The following MAGI2 variants were observed in gnomAD, a reference collection of about 807,000 sequenced individuals.
MAGI2 encodes the protein membrane associated guanylate kinase, WW and PDZ domain containing 2.
In MAGI2, 35 loss-of-function variants were observed where a neutral mutation model predicts 133.3. The ratio of observed to expected loss-of-function variants is 0.26; its 90% CI spans 0.20 to 0.35. The LOEUF is 0.35. MAGI2 is among the 10% of genes least tolerant of loss of function. The probability of loss-of-function intolerance (pLI) is 1.00; values close to 1 mark genes in which losing one functional copy is unlikely to be tolerated. For missense variants in MAGI2, 1,636 were observed against 1,863.4 expected, an observed-to-expected ratio of 0.88 and a Z score of 2.25; for synonymous variants, 729 against 710.6, an observed-to-expected ratio of 1.03 and a Z score of -0.41.
At chr7:78,148,734 G>A (rs998930146) in intron 16 of MAGI2, among the ~76,000 whole-genome samples, 1 of 152,140 alleles carries the variant, frequency 6.6e-6, no homozygotes, top group African/African-American at 2.4e-5. Flanking sequence ...GACTTGCAAA[G>A]ACACAGATCT....
intron 10 of MAGI2, among the ~76,000 whole-genome samples, chr7:78,214,531 T>C (rs1357589819): frequency 6.6e-6 from 1 of 152,260 alleles, no homozygotes; most frequent in African/African-American, 2.4e-5. Flanking sequence ...TTTTAAGATT[T>C]CTTAGCATAA....
At chr7:78,498,403 T>C (rs1305081775) in intron 5 of MAGI2, among the ~76,000 whole-genome samples, 1 of 152,224 alleles carries the variant, frequency 6.6e-6, no homozygotes, top group South Asian at 2.1e-4. Flanking sequence ...ATACAGTTTG[T>C]TAGTTACATA....
At chr7:78,641,893 G>A (rs1810355999) in intron 2 of MAGI2, among the ~76,000 whole-genome samples, 1 of 152,152 alleles carries the variant, frequency 6.6e-6, no homozygotes, top group African/African-American at 2.4e-5. Context: ...CTGATCAAGA[G>A]TGGAAACACA....
intron 1 of MAGI2, among the ~76,000 whole-genome samples, chr7:79,151,985 A>C (rs1238363735): frequency 2.0e-5 from 3 of 152,160 alleles, no homozygotes; most frequent in African/African-American, 7.2e-5. Flanking sequence ...CCACTTCAGG[A>C]TGATGGGAGA....
chr7:78,921,504 A>C (rs1215138078), intron 2 of MAGI2, among the ~76,000 whole-genome samples: 1 of 152,164 alleles, frequency 6.6e-6, no homozygotes. Context: ...GAATAGTTTC[A>C]GAAACGCTGC....
chr7:78,725,631 T>C (rs1370976698), intron 2 of MAGI2, among the ~76,000 whole-genome samples: 1 of 152,166 alleles, frequency 6.6e-6, no homozygotes. Context: ...ACCCTGTCTC[T>C]ATTAAAAGAT....
At chr7:78,273,294 C>T (rs1187743502) in intron 9 of MAGI2, among the ~76,000 whole-genome samples, 1 of 152,194 alleles carries the variant, frequency 6.6e-6, no homozygotes, top group Non-Finnish European at 1.5e-5. Context: ...AGGGTTTCTG[C>T]AGGGAGATCT....
In MAGI2 at chr7:78,409,636, G is replaced by GTA. The variant is rs1024650375; in HGVS notation, c.1046-40424_1046-40423insTA. 7.2e-5 allele frequency among the ~76,000 whole-genome samples: 11 copies of GTA among 152,114 alleles called. No homozygotes were observed. In the East Asian group the frequency reaches 7.7e-4, roughly 11 times the overall value. On this transcript the variant is annotated intron_variant, in intron 6 of 21. Transcript: ENST00000354212. ...GTACATTCTTTTAAAGAGTCAAACA[G>GTA]TTTTTCAAAATCTGTGTTTAAAGTC...
intron 21 of MAGI2, among the ~76,000 whole-genome samples, chr7:78,054,508 G>C (rs913719104): frequency 1.3e-5 from 2 of 151,930 alleles, no homozygotes; most frequent in African/African-American, 4.8e-5. Flanking sequence ...CTCACTCTAC[G>C]GACATTCTCC....
chr7:79,235,654 G>A (rs1467526426), intron 1 of MAGI2, among the ~76,000 whole-genome samples: 4 of 152,200 alleles, frequency 2.6e-5, no homozygotes, highest in African/African-American at 4.8e-5. Context: ...GCTTCGGCTC[G>A]CGCACGGTGC....
chr7:78,471,512 A>G (rs1791201392), intron 6 of MAGI2, among the ~76,000 whole-genome samples: 1 of 152,158 alleles, frequency 6.6e-6, no homozygotes, highest in African/African-American at 2.4e-5. Context: ...GAATGTATTG[A>G]ATCACCTCTG....
chr7:79,296,384 C>T (rs1563088635), intron 1 of MAGI2, among the ~76,000 whole-genome samples: 1 of 152,138 alleles, frequency 6.6e-6, no homozygotes, highest in Non-Finnish European at 1.5e-5. Context: ...TCTCTGCACT[C>T]CCGTATTTAT....
At chr7:79,304,181 ATGTGTGTGTGTGTGTGTGTGTCTGTG>A (rs1270306280) in intron 1 of MAGI2, among the ~76,000 whole-genome samples, 1 of 142,168 alleles carries the variant, frequency 7.0e-6, no homozygotes, top group Non-Finnish European at 1.5e-5. Flanking sequence ...TTCAACTGGG[ATGTGTGTGTGTGTGTGTGTGTCTGTG>A]TGTGTGTGTG....
chr7:79,060,773 G>C (rs1244275855), intron 1 of MAGI2, among the ~76,000 whole-genome samples: 1 of 152,044 alleles, frequency 6.6e-6, no homozygotes, highest in African/African-American at 2.4e-5. Context: ...TTTCCCACCT[G>C]ATAGAAAGTG....
At chr7:78,333,001 G>A (rs1004955577) in intron 9 of MAGI2, among the ~76,000 whole-genome samples, 1 of 152,184 alleles carries the variant, frequency 6.6e-6, no homozygotes, top group Non-Finnish European at 1.5e-5. Flanking sequence ...AGCACCTAAA[G>A]TTCATAAATG....
intron 2 of MAGI2, among the ~76,000 whole-genome samples, chr7:78,659,032 T>C (rs912781544): frequency 6.6e-6 from 1 of 152,170 alleles, no homozygotes; most frequent in African/African-American, 2.4e-5. Flanking sequence ...GCACCTTTAT[T>C]TGTAATAACC....
chr7:78,033,182 A>G (rs1809776063), intron 21 of MAGI2, among the ~76,000 whole-genome samples: 1 of 152,134 alleles, frequency 6.6e-6, no homozygotes, highest in Non-Finnish European at 1.5e-5. Context: ...TTTTGAAGAT[A>G]GACTAGAGTG....
rs763791087 is a variant in MAGI2 at position 79,453,084 on chromosome 7, G to A, written c.237C>T (p.Ile79=). ...GTTTGATCACGGCCAGCACGTCCCTGATGGTGAGCCCCGCCACGGGGGTCT... is the reference window on the plus strand; with the variant it reads ...GTTTGATCACGGCCAGCACGTCCCTAATGGTGAGCCCCGCCACGGGGGTCT... ...VNETPVAGLT[I]RDVLAVIKHC... Residue 79 remains isoleucine (I), a synonymous_variant, in exon 1 of 22, where the codon ATC becomes ATT. Coordinates refer to ENST00000354212, the MANE Select transcript of MAGI2 (RefSeq NM_012301.4). 2 of 1,613,602 alleles carry A rather than the reference G, an allele frequency of 1.2e-6. No individual in the cohort carries two copies. Among genetic ancestry groups the A allele is most frequent in the Non-Finnish European group, 1.7e-6 (2 of 1,179,912 alleles).
intron 9 of MAGI2, among the ~76,000 whole-genome samples, chr7:78,340,395 C>G (rs540118371): frequency 1.3e-5 from 2 of 152,256 alleles, no homozygotes; most frequent in East Asian, 3.9e-4. Flanking sequence ...GAGATGGTAC[C>G]ATTCCTTCTG....
Sources: gnomAD v4.1 joint callset for allele counts (sites outside exome capture counted in the v4.1 genomes callset) on GRCh38, gnomAD v4.1.1 for gene constraint, MANE v1.5 for transcripts, NCBI Gene and HGNC (gene_info 2026-07-23, HGNC 2026-07-21) for gene names.